The following HS3ST3B1 variants were observed in gnomAD, a reference collection of about 807,000 sequenced individuals.
HS3ST3B1 encodes the protein heparan sulfate glucosamine 3-O-sulfotransferase 3B1.
Under a neutral mutation model 21.3 loss-of-function variants are expected in HS3ST3B1, and 13 were observed. That is an observed-to-expected ratio of 0.61 (90% CI 0.40 to 0.97). HS3ST3B1 has a LOEUF of 0.97. HS3ST3B1 is among the 50% of genes least tolerant of loss of function. The pLI, the probability that HS3ST3B1 is intolerant of heterozygous loss-of-function variation, is 0.00. For synonymous variants in HS3ST3B1, 234 were observed against 254.8 expected, an observed-to-expected ratio of 0.92 and a Z score of 0.78; for missense variants, 459 against 554.8, an observed-to-expected ratio of 0.83 and a Z score of 1.73.
chr17:14,333,229 A>G (rs2142346459), intron 1 of HS3ST3B1, among the ~76,000 whole-genome samples: 1 of 152,214 alleles, frequency 6.6e-6, no homozygotes, highest in Non-Finnish European at 1.5e-5. Flanking sequence ...GCACTTTGAG[A>G]GGCCGAGGCG....
chr17:14,324,249 AACTTCCTGGGTT>A (rs1389782773), intron 1 of HS3ST3B1, among the ~76,000 whole-genome samples: 4 of 152,070 alleles, frequency 2.6e-5, no homozygotes. Flanking sequence ...TCACCCTCAA[AACTTCCTGGGTT>A]ACTGCTACTT....
intron 1 of HS3ST3B1, among the ~76,000 whole-genome samples, chr17:14,333,614 G>A (rs1910091821): frequency 6.6e-6 from 1 of 152,104 alleles, no homozygotes; most frequent in South Asian, 2.1e-4. Context: ...GGGCGGGGTA[G>A]GGTGTTGGGA....
At chr17:14,313,134 G>A (rs150594186) in intron 1 of HS3ST3B1, among the ~76,000 whole-genome samples, 5,578 of 108,528 alleles carry the variant, frequency 0.051, 427 homozygotes, top group African/African-American at 0.19. Flanking sequence ...GTGTGTGTGT[G>A]TATATATATA....
In HS3ST3B1 at chr17:14,345,700, T is replaced by C; in HGVS notation, c.*54T>C. On this transcript the variant is annotated 3_prime_UTR_variant, in exon 2 of 2. Coordinates refer to ENST00000360954, the MANE Select transcript of HS3ST3B1 (RefSeq NM_006041.3). ...GTGGCTTATCTATTGACAGAGATTA[T>C]ATGTATGTAAAATGTACAGAAATCT... 6.4e-7 allele frequency: 1 copy of C among 1,553,860 alleles called. No individual in the cohort carries two copies. The highest frequency in any genetic ancestry group is 8.7e-7 in the Non-Finnish European group (1 of 1,151,508).
At chr17:14,336,273 C>CT (rs1259965098) in intron 1 of HS3ST3B1, among the ~76,000 whole-genome samples, 1 of 152,166 alleles carries the variant, frequency 6.6e-6, no homozygotes, top group Non-Finnish European at 1.5e-5. Context: ...TTTCAATAAT[C>CT]TTTTTTATTG....
chr17:14,311,294 G>T (rs543897418), intron 1 of HS3ST3B1, among the ~76,000 whole-genome samples: 20 of 151,002 alleles, frequency 1.3e-4, no homozygotes, highest in African/African-American at 4.9e-4. Flanking sequence ...ACCCAGGCTG[G>T]TCTCAAACTC....
At chr17:14,338,975 G>A (rs1910284536) in intron 1 of HS3ST3B1, among the ~76,000 whole-genome samples, 1 of 152,124 alleles carries the variant, frequency 6.6e-6, no homozygotes, top group South Asian at 2.1e-4. Context: ...CTGTGTTCAT[G>A]TGGGCACACA....
chr17:14,304,194 C>T (rs1229779195), intron 1 of HS3ST3B1: 1 of 152,150 alleles, frequency 6.6e-6, no homozygotes, highest in Non-Finnish European at 1.5e-5. Context: ...GGCTGGGCCG[C>T]GGGAGGCGGG....
intron 1 of HS3ST3B1, among the ~76,000 whole-genome samples, chr17:14,323,082 A>G (rs995876428): frequency 6.6e-6 from 1 of 151,656 alleles, no homozygotes; most frequent in South Asian, 2.1e-4. Context: ...ATTTTTTTGT[A>G]TCTTTTGTAG....
At chr17:14,331,528 C>T (rs1368182880) in intron 1 of HS3ST3B1, among the ~76,000 whole-genome samples, 2 of 151,804 alleles carry the variant, frequency 1.3e-5, no homozygotes, top group African/African-American at 2.4e-5. Flanking sequence ...GGGGGCTGGG[C>T]GTGGAGAAAG....
At chr17:14,329,160 G>T (rs1909901560) in intron 1 of HS3ST3B1, 1 of 152,120 alleles carries the variant, frequency 6.6e-6, no homozygotes, top group South Asian at 2.1e-4. Flanking sequence ...GCACTCAGGA[G>T]ATAGGGAAGG....
In HS3ST3B1 at chr17:14,301,510, G is replaced by C. The variant is rs1908919077; in HGVS notation, c.-9G>C. 2.0e-6 allele frequency: 3 copies of C among 1,513,556 alleles called. No individual in the cohort carries two copies. The highest frequency in any genetic ancestry group is 2.4e-5 in the East Asian group (1 of 41,158). The allele number at this position is 1,513,556 out of a possible 1,614,324, so 93.8% of individuals were successfully genotyped here. On this transcript the variant is annotated 5_prime_UTR_variant, in exon 1 of 2. Transcript: ENST00000360954. The stretch of plus-strand genomic sequence containing the variant: ...GAGCCATGTCCCTGGCCGCGCCCGC[G>C]GGCAGCGCATGGGGCAGCGCCTGAG...
chr17:14,313,072 A>C, intron 1 of HS3ST3B1, among the ~76,000 whole-genome samples: 1 of 87,546 alleles, frequency 1.1e-5, no homozygotes, highest in African/African-American at 4.3e-5. Context: ...ACACCCAGCT[A>C]ATTATTGTGT....
At chr17:14,335,670 G>A (rs1035175510) in intron 1 of HS3ST3B1, among the ~76,000 whole-genome samples, 3 of 151,936 alleles carry the variant, frequency 2.0e-5, no homozygotes, top group Non-Finnish European at 2.9e-5. Flanking sequence ...CTCCAGCCAG[G>A]GCAACAGAGC....
intron 1 of HS3ST3B1, among the ~76,000 whole-genome samples, chr17:14,330,432 G>C (rs7216506): frequency 0.47 from 71,244 of 151,770 alleles, 17,742 homozygotes; most frequent in African/African-American, 0.66. Flanking sequence ...CCAAGTACCT[G>C]TTGTCTGTGG....
chr17:14,324,148 T>C (rs956795921), intron 1 of HS3ST3B1, among the ~76,000 whole-genome samples: 1 of 152,018 alleles, frequency 6.6e-6, no homozygotes, highest in Non-Finnish European at 1.5e-5. Flanking sequence ...CTTCTCTCAG[T>C]TTTGATCTGT....
At chr17:14,315,359 C>G (rs919253126) in intron 1 of HS3ST3B1, among the ~76,000 whole-genome samples, 1 of 152,224 alleles carries the variant, frequency 6.6e-6, no homozygotes, top group Admixed American at 6.5e-5. Flanking sequence ...AACACGCACA[C>G]TGGCTAGTGA....
chr17:14,328,084 A>C (rs1440589828), intron 1 of HS3ST3B1: 1 of 152,212 alleles, frequency 6.6e-6, no homozygotes, highest in Non-Finnish European at 1.5e-5. Context: ...TGGGAGATGA[A>C]CGGGAATGCT....
chr17:14,345,041 A>T lies in HS3ST3B1; in HGVS notation c.568A>T (p.Arg190Ter). The change falls in exon 2 of 2, where the codon AGA becomes TGA. Residue 190 changes from arginine to a stop codon, truncating the protein, a stop_gained. Transcript: ENST00000360954. LOFTEE classifies it high-confidence loss of function. ...TGCGTTTCTCAGGGACCTGATGCCC[A>T]GAACCCTGGACGGGCAGATCACCAT... Reference protein sequence around the residue: ...GLAWYRDLMPRTLDGQITMEK... With the variant: ...GLAWYRDLMP 1 of 1,602,680 alleles carries T rather than the reference A, an allele frequency of 6.2e-7. No homozygotes were observed. Among genetic ancestry groups the T allele is most frequent in the Non-Finnish European group, 8.5e-7 (1 of 1,173,040 alleles).
Sources: gnomAD v4.1 joint callset for allele counts (sites outside exome capture counted in the v4.1 genomes callset) on GRCh38, gnomAD v4.1.1 for gene constraint, MANE v1.5 for transcripts, NCBI Gene and HGNC (gene_info 2026-07-23, HGNC 2026-07-21) for gene names.